The following AOX1 variants were observed in gnomAD, a reference collection of about 807,000 sequenced individuals.
AOX1 encodes aldehyde oxidase.
Under a neutral mutation model 169.5 loss-of-function variants are expected in AOX1, and 153 were observed. That is an observed-to-expected ratio of 0.90 (90% CI 0.79 to 1.03). The LOEUF (loss-of-function observed/expected upper bound fraction) is 1.03. AOX1 is among the 50% of genes least tolerant of loss of function. AOX1 has a pLI of 0.00. For missense variants in AOX1, 1,656 were observed against 1,663.9 expected (o/e 1.00, Z 0.08); for synonymous variants, 562 against 581.9 (o/e 0.97, Z 0.49).
intron 21 of AOX1, 50 bp downstream of exon 21, chr2:200,634,965 G>A: frequency 6.3e-7 from 1 of 1,598,902 alleles, no homozygotes; most frequent in East Asian, 2.2e-5. Flanking sequence ...TTTCTGGCCA[G>A]TGAAATATAT....
At chr2:200,640,475 G>T (rs1365598627) in intron 23 of AOX1, among the ~76,000 whole-genome samples, 1 of 152,102 alleles carries the variant, frequency 6.6e-6, no homozygotes, top group Admixed American at 6.5e-5. Context: ...AGAAGAGATG[G>T]GTCCAAGAGC....
In AOX1 at chr2:200,605,624, T is replaced by C; in HGVS notation, c.903T>C (p.Tyr301=). ...IEELSVVNHA[Y]NGLTLGAGLS... ...AACTGAGTGTTGTAAACCATGCATA[T>C]AATGGTGAGTTCTCAAGTCCCTGTT... The change falls in exon 10 of 35, where the codon TAT becomes TAC. Residue 301 remains tyrosine (Y), a synonymous_variant. Transcript: ENST00000374700. 6.7e-7 allele frequency: 1 copy of C among 1,485,904 alleles called. No individual in the cohort carries two copies. The allele number at this position is 1,485,904 out of a possible 1,614,324, so 92.0% of individuals were successfully genotyped here. A position where few individuals can be genotyped will look rare whatever the true frequency, so the allele number is the denominator to read the frequency against.
chr2:200,653,683 C>T (rs1296138172), intron 26 of AOX1, among the ~76,000 whole-genome samples: 1 of 152,202 alleles, frequency 6.6e-6, no homozygotes, highest in Non-Finnish European at 1.5e-5. Flanking sequence ...GCAGGCATAC[C>T]TTGTTTTACT....
Position 200,662,809 on chromosome 2 carries a change from C to T in AOX1, c.3429-46C>T, listed in dbSNP as rs201580987. On this transcript the variant is annotated intron_variant, in intron 30 of 34. Coordinates refer to ENST00000374700, the MANE Select transcript of AOX1 (RefSeq NM_001159.4). ...GGGTCTGTTTAGTCATCATGGTCTG[C>T]AATTAGGGGACGTGATCACTTAACA... The T allele has an allele frequency of 9.5e-6, 14 of 1,479,290 alleles. No homozygotes were observed. In the Middle Eastern group the frequency reaches 5.2e-4, roughly 55 times the overall value. The allele number at this position is 1,479,290 out of a possible 1,614,324, so 91.6% of individuals were successfully genotyped here. A position where few individuals can be genotyped will look rare whatever the true frequency, so the allele number is the denominator to read the frequency against.
chr2:200,603,428 A>G lies in AOX1; in HGVS notation c.588+72A>G, dbSNP rs560153347. 12 of 1,187,518 alleles carry G rather than the reference A, an allele frequency of 1.0e-5. No individual in the cohort carries two copies. In the African/African-American group the frequency reaches 1.2e-4, roughly 12 times the overall value. The allele number at this position is 1,187,518 out of a possible 1,614,324, so 73.6% of individuals were successfully genotyped here. ...AGGAGCCAACATACTCTTAGGAAGA[A>G]CAAATGGCTACCCAAGTTGACTAAC... On this transcript the variant is annotated intron_variant, in intron 7 of 34. Transcript: ENST00000374700.
At chr2:200,593,693 G>T (rs754738239) in intron 2 of AOX1, among the ~76,000 whole-genome samples, 1 of 152,142 alleles carries the variant, frequency 6.6e-6, no homozygotes, top group Non-Finnish European at 1.5e-5. Flanking sequence ...GCTACCCGAC[G>T]GTGAAAGACA....
intron 25 of AOX1, among the ~76,000 whole-genome samples, chr2:200,644,787 T>C (rs1171451899): frequency 1.3e-5 from 2 of 152,118 alleles, no homozygotes; most frequent in Non-Finnish European, 1.5e-5. Context: ...GTTTTATTAT[T>C]ATCATTATTA....
In AOX1 at chr2:200,634,922, T is replaced by G; in HGVS notation, c.2346+7T>G. On this transcript the variant is annotated splice_region_variant and intron_variant, in intron 21 of 34. Coordinates refer to ENST00000374700, the MANE Select transcript of AOX1 (RefSeq NM_001159.4). ...GTTTCCCAAATATATACAGGTAACA[T>G]GGGGCCATTGTGGAGAGGACATGGC... is the stretch of plus-strand genomic sequence containing the variant. 1 of 1,613,726 alleles carries G rather than the reference T, an allele frequency of 6.2e-7. No homozygotes were observed. Among genetic ancestry groups the G allele is most frequent in the East Asian group, 2.2e-5 (1 of 44,854 alleles).
chr2:200,637,228 A>G (rs974185969), intron 22 of AOX1, among the ~76,000 whole-genome samples, 184 bp downstream of exon 22: 3 of 152,216 alleles, frequency 2.0e-5, no homozygotes, highest in Non-Finnish European at 4.4e-5. Flanking sequence ...CCAAAATAAG[A>G]GTCAATTACT....
intron 16 of AOX1, among the ~76,000 whole-genome samples, chr2:200,618,572 A>G (rs1169992380): frequency 6.6e-6 from 1 of 152,192 alleles, no homozygotes; most frequent in Non-Finnish European, 1.5e-5. Context: ...ATGTTCTGAA[A>G]TAACACATGC....
intron 6 of AOX1, 104 bp downstream of exon 6, chr2:200,602,449 A>G: frequency 2.1e-6 from 2 of 950,638 alleles, no homozygotes; most frequent in Non-Finnish European, 3.3e-6. Context: ...ATACATGGCT[A>G]CTTCTTATCT....
chr2:200,668,889 G>C (rs1331221452), intron 33 of AOX1, 86 bp downstream of exon 33: 2 of 1,189,348 alleles, frequency 1.7e-6, no homozygotes, highest in Non-Finnish European at 2.3e-6. Flanking sequence ...TTGGCTGTTT[G>C]GGATTTTTAC....
chr2:200,642,146 A>C (rs1435983348), intron 24 of AOX1, among the ~76,000 whole-genome samples: 1 of 152,142 alleles, frequency 6.6e-6, no homozygotes, highest in African/African-American at 2.4e-5. Context: ...AAAGAGTTTC[A>C]ACCAAAATGT....
rs183129030 is a variant in AOX1, at chr2:200,636,445, C to T, written c.2347-466C>T. Among the ~76,000 whole-genome samples, 8 of 152,080 alleles carry T rather than the reference C, an allele frequency of 5.3e-5. 1 individual carries two copies. Among genetic ancestry groups the T allele is most frequent in the African/African-American group, 1.7e-4 (7 of 41,492 alleles). On this transcript the variant is annotated intron_variant, in intron 21 of 34. Coordinates refer to ENST00000374700, the MANE Select transcript of AOX1 (RefSeq NM_001159.4). ...CATCTGGCTGAGAAGTGCTTATTTT[C>T]CAGTAGAGACAGTAGAATGCAGGGA...
chr2:200,649,556 G>C (rs538879711), intron 25 of AOX1, among the ~76,000 whole-genome samples: 3 of 152,068 alleles, frequency 2.0e-5, no homozygotes, highest in Non-Finnish European at 4.4e-5. Flanking sequence ...GCTAAAATTC[G>C]GCGAACTTCC....
chr2:200,650,320 G>T (rs990855218), intron 25 of AOX1, among the ~76,000 whole-genome samples: 9 of 152,198 alleles, frequency 5.9e-5, no homozygotes, highest in Admixed American at 2.6e-4. Context: ...TTGCTTCGGA[G>T]GGTGGGGAGA....
chr2:200,618,286 T>C (rs537645548), intron 16 of AOX1, among the ~76,000 whole-genome samples: 1 of 152,324 alleles, frequency 6.6e-6, no homozygotes, highest in South Asian at 2.1e-4. Context: ...CACTGTATTA[T>C]ACTAACTACA....
At chr2:200,674,119 G>A (rs1574970816), downstream of AOX1, among the ~76,000 whole-genome samples, 1 of 152,228 alleles carries the variant, frequency 6.6e-6, no homozygotes, top group African/African-American at 2.4e-5. Context: ...GGCCCACGCC[G>A]GTGCTTCAGC....
At chr2:200,597,534 T>C in intron 4 of AOX1, 29 bp downstream of exon 4, 1 of 1,523,668 alleles carries the variant, frequency 6.6e-7, no homozygotes. Flanking sequence ...CTTATAGGCT[T>C]TCTGTGCTTT....
Sources: gnomAD v4.1 joint callset for allele counts (sites outside exome capture counted in the v4.1 genomes callset) on GRCh38, gnomAD v4.1.1 for gene constraint, MANE v1.5 for transcripts, NCBI Gene and HGNC (gene_info 2026-07-23, HGNC 2026-07-21) for gene names.